ULK4: variants seen among roughly 807,000 people sequenced by gnomAD.
The protein encoded by ULK4 is inactive serine/threonine-protein kinase ULK4.
ULK4 carries 133 observed loss-of-function variants against 160.6 expected under a neutral mutation model. That is an observed-to-expected ratio of 0.83 (90% CI 0.72 to 0.96). The LOEUF (loss-of-function observed/expected upper bound fraction) is 0.96, where lower values mean the gene tolerates loss of function less well. Among genes scored for constraint, ULK4 ranks in the 40% least tolerant of loss-of-function variants. The probability of loss-of-function intolerance (pLI) is 0.00; values close to 1 mark genes in which losing one functional copy is unlikely to be tolerated. For missense variants in ULK4, 1,580 were observed against 1,499.5 expected (o/e 1.05, Z -0.89); for synonymous variants, 534 against 539.8 (o/e 0.99, Z 0.15).
Position 41,681,607 on chromosome 3 carries a change from G to C in ULK4, c.2879C>G (p.Ser960Cys). ...FSLRLLSETT[S>C]LLVNQEFGDG... ...CCCAAACTCCTGGTTCACGAGTAGA[G>C]ATGTGGTTTCTGAGAGCAACCGCAA... is the stretch of plus-strand genomic sequence containing the variant. The change falls in exon 29 of 37, where the codon TCT becomes TGT. Residue 960 changes from serine (S) to cysteine (C), a missense_variant. Physicochemically the swap from Ser to Cys is moderately radical, Grantham distance 112. Transcript: ENST00000301831. The C allele has an allele frequency of 6.2e-7, 1 of 1,613,910 alleles. No individual in the cohort carries two copies. The highest frequency in any genetic ancestry group is 8.5e-7 in the Non-Finnish European group (1 of 1,179,964).
chr3:41,759,527 T>C (rs1367355411), intron 21 of ULK4, among the ~76,000 whole-genome samples: 1 of 152,174 alleles, frequency 6.6e-6, no homozygotes, highest in East Asian at 1.9e-4. Context: ...CATGTTCATG[T>C]AGTAAGACTC....
chr3:41,282,669 A>C (rs1441152849), intron 35 of ULK4, among the ~76,000 whole-genome samples: 2 of 152,250 alleles, frequency 1.3e-5, no homozygotes, highest in Admixed American at 6.5e-5. Flanking sequence ...TTAAAGACTT[A>C]AATGCAAGAA....
At chr3:41,462,070 G>T (rs964274167) in intron 33 of ULK4, among the ~76,000 whole-genome samples, 1 of 152,200 alleles carries the variant, frequency 6.6e-6, no homozygotes, top group Non-Finnish European at 1.5e-5. Flanking sequence ...TGGCTTTACA[G>T]TTTGGGTTTA....
chr3:41,322,488 T>G (rs2080265381), intron 35 of ULK4, among the ~76,000 whole-genome samples: 1 of 152,186 alleles, frequency 6.6e-6, no homozygotes, highest in South Asian at 2.1e-4. Context: ...TTGACCCACA[T>G]AAGATAGTAT....
At chr3:41,639,546 G>T (rs905241867) in intron 30 of ULK4, among the ~76,000 whole-genome samples, 1 of 152,098 alleles carries the variant, frequency 6.6e-6, no homozygotes. Flanking sequence ...TGGATAACAT[G>T]GTGAAACCCC....
chr3:41,639,422 C>G (rs1289777172), intron 30 of ULK4, among the ~76,000 whole-genome samples: 1 of 152,040 alleles, frequency 6.6e-6, no homozygotes, highest in Non-Finnish European at 1.5e-5. Flanking sequence ...AAACTCTAGT[C>G]AAACAAAAAA....
At chr3:41,801,867 T>C (rs1374536120) in intron 19 of ULK4, among the ~76,000 whole-genome samples, 1 of 150,216 alleles carries the variant, frequency 6.7e-6, no homozygotes, top group Non-Finnish European at 1.5e-5. Flanking sequence ...AAAAATAAAA[T>C]AAAATAAAAA....
intron 35 of ULK4, among the ~76,000 whole-genome samples, chr3:41,383,189 C>A (rs941579769): frequency 1.3e-5 from 2 of 151,778 alleles, no homozygotes; most frequent in Non-Finnish European, 2.9e-5. Context: ...ACCTCCGCCT[C>A]CTTGGTTCAA....
At chr3:41,317,131 A>G (rs1575426586) in intron 35 of ULK4, among the ~76,000 whole-genome samples, 1 of 127,076 alleles carries the variant, frequency 7.9e-6, no homozygotes, top group Non-Finnish European at 1.6e-5. Context: ...TGCGGACTGC[A>G]GTGGCGCAAT....
chr3:41,363,953 C>T (rs2081200950), intron 35 of ULK4, among the ~76,000 whole-genome samples: 1 of 150,250 alleles, frequency 6.7e-6, no homozygotes, highest in Non-Finnish European at 1.5e-5. Context: ...TCTGTAGATA[C>T]AGGGTCTCAC....
intron 31 of ULK4, among the ~76,000 whole-genome samples, chr3:41,610,873 T>C (rs2032643271): frequency 6.6e-6 from 1 of 152,232 alleles, no homozygotes; most frequent in African/African-American, 2.4e-5. Flanking sequence ...AGGTTACCTA[T>C]ATTACTTGGC....
In ULK4 at chr3:41,647,098, A is replaced by AT. The variant is rs988055720; in HGVS notation, c.3071+16508dup. Reference sequence around the variant, plus strand: ...TTATTCTAGTTATACATTCGTCTAAATTTTTTTTAAAGTTTGTAACTTCTT... The same window carrying AT: ...TTATTCTAGTTATACATTCGTCTAAATTTTTTTTTAAAGTTTGTAACTTCTT... On this transcript the variant is annotated intron_variant, in intron 30 of 36. Coordinates refer to ENST00000301831, the MANE Select transcript of ULK4 (RefSeq NM_017886.4). Among the ~76,000 whole-genome samples the AT allele has an allele frequency of 7.9e-5, 12 of 151,986 alleles. No homozygotes were observed. In the South Asian group the frequency reaches 1.9e-3, roughly 24 times the overall value.
chr3:41,507,612 CAAAAAAAAAAA>C (rs71075473), intron 32 of ULK4, among the ~76,000 whole-genome samples: 47 of 75,286 alleles, frequency 6.2e-4, no homozygotes, highest in African/African-American at 1.8e-3. Context: ...AAACCACCAC[CAAAAAAAAAAA>C]AAAAAAAAAA....
intron 34 of ULK4, among the ~76,000 whole-genome samples, chr3:41,426,617 T>C (rs780864624): frequency 6.6e-6 from 1 of 151,966 alleles, no homozygotes; most frequent in Non-Finnish European, 1.5e-5. Context: ...AGAAACTCAC[T>C]CAAAACCCAC....
intron 32 of ULK4, among the ~76,000 whole-genome samples, chr3:41,519,844 C>A (rs1219425598): frequency 6.6e-6 from 1 of 152,186 alleles, no homozygotes; most frequent in Non-Finnish European, 1.5e-5. Flanking sequence ...TATGTATCAA[C>A]TTAAATTTGA....
chr3:41,822,352 T>C (rs542150277), intron 18 of ULK4, among the ~76,000 whole-genome samples: 1 of 152,318 alleles, frequency 6.6e-6, no homozygotes, highest in Admixed American at 6.5e-5. Context: ...TTTTCTTCCT[T>C]AATAGTGCTT....
intron 17 of ULK4, among the ~76,000 whole-genome samples, chr3:41,862,556 G>A (rs186377842): frequency 1.5e-4 from 23 of 152,010 alleles, no homozygotes; most frequent in African/African-American, 4.6e-4. Context: ...AAGGCTTTTC[G>A]GATATTTGAA....
At chr3:41,409,596 G>T (rs1470761132) in intron 34 of ULK4, among the ~76,000 whole-genome samples, 1 of 152,104 alleles carries the variant, frequency 6.6e-6, no homozygotes, top group Non-Finnish European at 1.5e-5. Context: ...TCCAAAGAAG[G>T]TATGAAAATA....
At chr3:41,480,897 C>T (rs968170925) in intron 32 of ULK4, among the ~76,000 whole-genome samples, 2 of 152,128 alleles carry the variant, frequency 1.3e-5, no homozygotes, top group African/African-American at 4.8e-5. Context: ...TGAGAACTCA[C>T]TATCATGAGA....
Sources: allele counts gnomAD v4.1 joint callset (sites outside exome capture counted in the v4.1 genomes callset), GRCh38; gene constraint gnomAD v4.1.1; transcripts MANE v1.5; gene names NCBI Gene and HGNC (gene_info 2026-07-23, HGNC 2026-07-21).